The following RC3H2 variants were observed in gnomAD, a reference collection of about 807,000 sequenced individuals.
RC3H2 encodes ring finger and CCCH-type domains 2.
A neutral mutation model predicts 133.3 loss-of-function variants in RC3H2; 31 were observed. That is an observed-to-expected ratio of 0.23 (90% CI 0.17 to 0.31). RC3H2 has a LOEUF of 0.31. Among genes scored for constraint, RC3H2 ranks in the 10% least tolerant of loss-of-function variants. The pLI is 1.00. For missense variants in RC3H2, 1,175 were observed against 1,437.2 expected (o/e 0.82, Z 2.95); for synonymous variants, 517 against 502.2 (o/e 1.03, Z -0.40).
intron 9 of RC3H2, chr9:122,874,985 C>T: frequency 1.8e-6 from 1 of 565,458 alleles, no homozygotes; most frequent in Non-Finnish European, 2.9e-6. Flanking sequence ...GCAATGAAAC[C>T]ACAGTTTCTT....
rs1829864088 is a variant in RC3H2 at position 122,846,168 on chromosome 9, A to G, written c.*3459T>C. On this transcript the variant is annotated 3_prime_UTR_variant, in exon 21 of 21. Coordinates refer to ENST00000357244, the MANE Select transcript of RC3H2 (RefSeq NM_001100588.3). ...CTGTAATTTTCTCAAGGCAGCATATAAAATTGGGATGTGCTTTATATACTT... is the reference window on the plus strand; with the variant it reads ...CTGTAATTTTCTCAAGGCAGCATATGAAATTGGGATGTGCTTTATATACTT... 1 of 152,198 alleles carries G rather than the reference A, an allele frequency of 6.6e-6. No homozygotes were observed. Among genetic ancestry groups the G allele is most frequent in the Non-Finnish European group, 1.5e-5 (1 of 68,020 alleles). 9.4% of individuals were successfully genotyped at this position (152,198 alleles called of 1,614,324 possible). A position where few individuals can be genotyped will look rare whatever the true frequency, so the allele number is the denominator to read the frequency against.
chr9:122,894,034 C>G (rs1163689944), intron 2 of RC3H2, among the ~76,000 whole-genome samples: 1 of 152,056 alleles, frequency 6.6e-6, no homozygotes, highest in Non-Finnish European at 1.5e-5. Flanking sequence ...CCGAGGCAGG[C>G]GGATCACGAG....
At chr9:122,854,506 CAT>C (rs757005812) in intron 16 of RC3H2, 23 bp downstream of exon 16, 132 of 1,552,082 alleles carry the variant, frequency 8.5e-5, no homozygotes, top group Non-Finnish European at 1.1e-4. Flanking sequence ...AATGGAGAAT[CAT>C]ATAGAATTAA....
chr9:122,870,988 T>C lies in RC3H2; in HGVS notation c.1326-5331A>G, dbSNP rs563104030. Among the ~76,000 whole-genome samples the C allele has an allele frequency of 3.9e-5, 6 of 152,316 alleles. 1 individual carries two copies. The highest frequency in any genetic ancestry group is 3.9e-4 in the East Asian group (2 of 5,188). Reference sequence around the variant, plus strand: ...ACTAAGTTCATTTTCCCATCTCCAATAGCCTTTTCCCTTCCACTTTCAACC... The same window carrying C: ...ACTAAGTTCATTTTCCCATCTCCAACAGCCTTTTCCCTTCCACTTTCAACC... On this transcript the variant is annotated intron_variant, in intron 9 of 20. Coordinates refer to ENST00000357244, the MANE Select transcript of RC3H2 (RefSeq NM_001100588.3).
rs752406222 is a variant in RC3H2 at position 122,859,136 on chromosome 9, T to TCTTA, written c.1850-38_1850-35dup. On this transcript the variant is annotated intron_variant, in intron 11 of 20. Transcript: ENST00000357244. Reference sequence around the variant, plus strand: ...TTGGAAAGAGGAATATTTAATGTAATCTTAGTACAATCCAACATTTTATAA... The same window carrying TCTTA: ...TTGGAAAGAGGAATATTTAATGTAATCTTACTTAGTACAATCCAACATTTTATAA... The TCTTA allele has an allele frequency of 4.8e-6, 7 of 1,467,924 alleles. No homozygotes were observed. The African/African-American group carries it at 9.9e-5, about 21-fold the overall frequency. The allele number at this position is 1,467,924 out of a possible 1,614,324, so 90.9% of individuals were successfully genotyped here.
intron 1 of RC3H2, among the ~76,000 whole-genome samples, chr9:122,902,141 G>C (rs995034263): frequency 6.6e-6 from 1 of 151,928 alleles, no homozygotes; most frequent in African/African-American, 2.4e-5. Flanking sequence ...ATGTTGGTCA[G>C]GCTGGTCTCG....
At position 122,879,994 on chromosome 9, in the gene RC3H2, T is replaced by C; in HGVS notation, c.1092A>G (p.Pro364=). Residue 364 remains proline (P), a splice_region_variant and synonymous_variant, in exon 7 of 21, where the codon CCA becomes CCG. Coordinates refer to ENST00000357244, the MANE Select transcript of RC3H2 (RefSeq NM_001100588.3). Reference sequence around the variant, plus strand: ...GCAACTGAGCATATTCCCACATACCTGGATTAGGGTCTATGTTTGCAAGAA... The same window carrying C: ...GCAACTGAGCATATTCCCACATACCCGGATTAGGGTCTATGTTTGCAAGAA... ...LELLANIDPN[P]DAVSPTWEQL... The C allele has an allele frequency of 1.2e-6, 2 of 1,614,034 alleles. No homozygotes were observed. Among genetic ancestry groups the C allele is most frequent in the Admixed American group, 3.3e-5 (2 of 59,968 alleles).
chr9:122,885,832 C>T (rs1454856641), intron 4 of RC3H2, among the ~76,000 whole-genome samples: 1 of 152,144 alleles, frequency 6.6e-6, no homozygotes, highest in East Asian at 1.9e-4. Flanking sequence ...CCTGGCAACA[C>T]TAGCTGGCTG....
chr9:122,866,022 T>G (rs552427737), intron 9 of RC3H2, among the ~76,000 whole-genome samples: 2 of 152,222 alleles, frequency 1.3e-5, no homozygotes, highest in South Asian at 4.1e-4. Flanking sequence ...TATGTAAAAA[T>G]GACAGGAACT....
At chr9:122,861,347 G>A (rs10985797) in intron 10 of RC3H2, among the ~76,000 whole-genome samples, 12,501 of 151,800 alleles carry the variant, frequency 0.082, 1,658 homozygotes, top group East Asian at 0.6. Flanking sequence ...AAAATTAGCC[G>A]GGTGTGGTGG....
At chr9:122,892,277 A>C (rs943833181) in intron 3 of RC3H2, among the ~76,000 whole-genome samples, 4 of 151,978 alleles carry the variant, frequency 2.6e-5, no homozygotes, top group Non-Finnish European at 5.9e-5. Context: ...ATGCCCAGCT[A>C]ATTTTTTGTA....
chr9:122,856,572 G>A (rs1415189074), intron 13 of RC3H2, among the ~76,000 whole-genome samples: 1 of 152,090 alleles, frequency 6.6e-6, no homozygotes, highest in Non-Finnish European at 1.5e-5. Context: ...TAATTTTCTT[G>A]AGAAAAAGAA....
At chr9:122,883,172 G>T in intron 5 of RC3H2, 32 bp downstream of exon 5, 1 of 1,585,326 alleles carries the variant, frequency 6.3e-7, no homozygotes, top group Non-Finnish European at 8.6e-7. Context: ...CTCACAAACA[G>T]GCATGTCTTT....
At chr9:122,891,012 A>ATTTTTTTTTTTTTTTTTTTTTTTTTTT (rs10571749) in intron 3 of RC3H2, among the ~76,000 whole-genome samples, 1 of 72,824 alleles carries the variant, frequency 1.4e-5, no homozygotes, top group African/African-American at 5.5e-5. Flanking sequence ...AATCTGCCCC[A>ATTTTTTTTTTTTTTTTTTTTTTTTTTT]TTTTTTTTTT....
At chr9:122,858,555 T>G in intron 12 of RC3H2, 114 bp downstream of exon 12, 1 of 816,706 alleles carries the variant, frequency 1.2e-6, no homozygotes, top group Non-Finnish European at 1.9e-6. Flanking sequence ...GGAGGTCAAG[T>G]AACTTCCTTA....
In RC3H2 at chr9:122,865,573, T is replaced by A; in HGVS notation, c.1410A>T (p.Thr470=). ...CAGAAATGACATTTCCGGCTGTGGT[T>A]GTGACAGTGTTGTTTACACCAACTT... ...LNKVGVNNTV[T]TTAGNVISVI... is the part of the protein sequence containing the mutation. Residue 470 remains threonine (T), a synonymous_variant, in exon 10 of 21, where the codon ACA becomes ACT. Coordinates refer to ENST00000357244, the MANE Select transcript of RC3H2 (RefSeq NM_001100588.3). 1 of 1,614,206 alleles carries A rather than the reference T, an allele frequency of 6.2e-7. No homozygotes were observed.
In RC3H2 at chr9:122,892,836, C is replaced by A. The variant is rs1832244756; in HGVS notation, c.349+73G>T. 7.0e-6 allele frequency: 8 copies of A among 1,140,528 alleles called. No homozygotes were observed. In the South Asian group the frequency reaches 1.0e-4, roughly 15 times the overall value. 70.7% of individuals were successfully genotyped at this position (1,140,528 alleles called of 1,614,324 possible). A position where few individuals can be genotyped will look rare whatever the true frequency, so the allele number is the denominator to read the frequency against. On this transcript the variant is annotated intron_variant, in intron 3 of 20. Coordinates refer to ENST00000357244, the MANE Select transcript of RC3H2 (RefSeq NM_001100588.3). The stretch of plus-strand genomic sequence containing the variant: ...CCTTTTCCATAACTTAATAGGGTAT[C>A]CACATCAAGTCATTCAAAGTAAATG...
intron 20 of RC3H2, among the ~76,000 whole-genome samples, chr9:122,850,647 T>C (rs759044646): frequency 2.0e-5 from 3 of 151,798 alleles, no homozygotes; most frequent in Non-Finnish European, 2.9e-5. Context: ...TTTCACTATG[T>C]TGGCCAGGCT....
At position 122,848,356 on chromosome 9, in the gene RC3H2, T is replaced by C. The variant is rs1170978834; in HGVS notation, c.*1271A>G. 6.6e-6 allele frequency: 1 copy of C among 152,220 alleles called. No individual in the cohort carries two copies. Among genetic ancestry groups the C allele is most frequent in the East Asian group, 1.9e-4 (1 of 5,206 alleles). The allele number at this position is 152,220 out of a possible 1,614,324, so 9.4% of individuals were successfully genotyped here. On this transcript the variant is annotated 3_prime_UTR_variant, in exon 21 of 21. Coordinates refer to ENST00000357244, the MANE Select transcript of RC3H2 (RefSeq NM_001100588.3). ...GGAATGCCCAGCTCTTCTTTTCAAA[T>C]GTTGACTGAAATTTAGGTTTCAGTA...
Sources: allele counts gnomAD v4.1 joint callset (sites outside exome capture counted in the v4.1 genomes callset), GRCh38; gene constraint gnomAD v4.1.1; transcripts MANE v1.5; gene names NCBI Gene and HGNC (gene_info 2026-07-23, HGNC 2026-07-21).